The following CEP57L1 variants were observed in gnomAD, a reference collection of about 807,000 sequenced individuals.
The protein encoded by CEP57L1 is centrosomal protein 57 like 1, also known as centrosomal protein CEP57L1.
Under a neutral mutation model 61.0 loss-of-function variants are expected in CEP57L1, and 37 were observed. The ratio of observed to expected loss-of-function variants is 0.61; its 90% CI spans 0.47 to 0.80. The LOEUF (loss-of-function observed/expected upper bound fraction) is 0.80, where lower values mean the gene tolerates loss of function less well. CEP57L1 is among the 30% of genes least tolerant of loss of function. CEP57L1 has a pLI of 0.00. For synonymous variants in CEP57L1, 137 were observed against 162.3 expected, an observed-to-expected ratio of 0.84 and a Z score of 1.19; for missense variants, 422 against 524.7, an observed-to-expected ratio of 0.80 and a Z score of 1.91.
intron 1 of CEP57L1, among the ~76,000 whole-genome samples, chr6:109,098,411 T>C (rs1291269037): frequency 6.6e-6 from 1 of 152,056 alleles, no homozygotes; most frequent in Non-Finnish European, 1.5e-5. Flanking sequence ...CCTTGCAAAG[T>C]GCTGGATTAC....
chr6:109,150,120 A>T lies in CEP57L1; in HGVS notation c.343A>T (p.Ile115Leu). Residue 115 changes from isoleucine (I) to leucine (L), a missense_variant and splice_region_variant, in exon 4 of 11, where the codon ATA (isoleucine) becomes TTA (leucine). Coordinates refer to ENST00000517392, the MANE Select transcript of CEP57L1 (RefSeq NM_001271852.3). ...HQELIKQKKD[I>L]SIQLSSAQSR... is the part of the protein sequence containing the mutation. ...ATTGAATACCCTTTATTTCATAGAT[A>T]TAAGTATACAGTTAAGCTCAGCCCA... The T allele has an allele frequency of 6.3e-7, 1 of 1,580,190 alleles. No homozygotes were observed.
At chr6:109,157,005 A>T (rs965718996) in intron 7 of CEP57L1, 1 of 152,114 alleles carries the variant, frequency 6.6e-6, no homozygotes, top group African/African-American at 2.4e-5. Flanking sequence ...ACTGCCCAGT[A>T]TGTATGTTTT....
intron 6 of CEP57L1, 31 bp downstream of exon 6, chr6:109,155,338 T>TA (rs1241135706): frequency 8.7e-7 from 1 of 1,147,076 alleles, no homozygotes. Context: ...TCTATCACAG[T>TA]AAACCATATA....
intron 10 of CEP57L1, among the ~76,000 whole-genome samples, chr6:109,162,075 T>C (rs532987555): frequency 6.6e-6 from 1 of 152,026 alleles, no homozygotes; most frequent in Non-Finnish European, 1.5e-5. Flanking sequence ...ATAAAGTTAT[T>C]CCCTTGACTT....
intron 1 of CEP57L1, among the ~76,000 whole-genome samples, chr6:109,124,798 A>C (rs1773360697): frequency 6.6e-6 from 1 of 152,102 alleles, no homozygotes; most frequent in Non-Finnish European, 1.5e-5. Context: ...TCAGTTAAGA[A>C]CTAGCACCTC....
intron 1 of CEP57L1, among the ~76,000 whole-genome samples, chr6:109,112,131 C>T (rs940398101): frequency 2.0e-5 from 3 of 152,100 alleles, no homozygotes; most frequent in African/African-American, 4.8e-5. Flanking sequence ...TGGTAGAATT[C>T]GGCTGTGAAT....
chr6:109,101,085 C>T lies in CEP57L1; in HGVS notation c.-4+5510C>T, dbSNP rs544964925. ...TCGCACCACTGCACTCCAGTCTGGGCGACAGAGTATGACTCTGTCTTAGGA... is the reference window on the plus strand; with the variant it reads ...TCGCACCACTGCACTCCAGTCTGGGTGACAGAGTATGACTCTGTCTTAGGA... On this transcript the variant is annotated intron_variant, in intron 1 of 10. Coordinates refer to ENST00000517392, the MANE Select transcript of CEP57L1 (RefSeq NM_001271852.3). 2.0e-4 allele frequency among the ~76,000 whole-genome samples: 30 copies of T among 152,206 alleles called. No individual in the cohort carries two copies. In the East Asian group the frequency reaches 2.5e-3, roughly 13 times the overall value.
chr6:109,126,968 C>A (rs911906263), intron 1 of CEP57L1, among the ~76,000 whole-genome samples: 2 of 152,056 alleles, frequency 1.3e-5, no homozygotes, highest in African/African-American at 4.8e-5. Flanking sequence ...GAGATCAAGA[C>A]CATCCTGGCC....
intron 9 of CEP57L1, among the ~76,000 whole-genome samples, chr6:109,160,301 T>C (rs1773600655): frequency 6.6e-6 from 1 of 152,200 alleles, no homozygotes; most frequent in South Asian, 2.1e-4. Flanking sequence ...TCATACATTT[T>C]ACTACATTCA....
chr6:109,105,248 T>A (rs1343158699), intron 1 of CEP57L1, among the ~76,000 whole-genome samples: 1 of 152,172 alleles, frequency 6.6e-6, no homozygotes, highest in African/African-American at 2.4e-5. Context: ...TTTTAAGAAA[T>A]CTCTTCTTAC....
chr6:109,157,817 T>C (rs533468611), intron 7 of CEP57L1: 7 of 152,332 alleles, frequency 4.6e-5, no homozygotes, highest in Non-Finnish European at 8.8e-5. Context: ...AGATGGTAAC[T>C]GACAGCAGTA....
chr6:109,131,365 G>A (rs1774183275), intron 1 of CEP57L1, among the ~76,000 whole-genome samples: 1 of 151,912 alleles, frequency 6.6e-6, no homozygotes, highest in African/African-American at 2.4e-5. Context: ...TCTATTATCT[G>A]AATCCTGCTA....
intron 7 of CEP57L1, chr6:109,158,658 A>G (rs925268046): frequency 8.6e-6 from 4 of 467,212 alleles, no homozygotes; most frequent in African/African-American, 4.0e-5. Context: ...TTAGTTTTAT[A>G]AGAAACTGCC....
rs140186351 is a variant in CEP57L1, at chr6:109,098,784, C to T, written c.-4+3209C>T. On this transcript the variant is annotated intron_variant, in intron 1 of 10. Transcript: ENST00000517392. Reference sequence around the variant, plus strand: ...CTGAGATTAGAGGCATAACCCACTGCAACTGGCCTGAAGTGAATATTTCTT... The same window carrying T: ...CTGAGATTAGAGGCATAACCCACTGTAACTGGCCTGAAGTGAATATTTCTT... Among the ~76,000 whole-genome samples, 1,317 of 152,186 alleles carry T rather than the reference C, an allele frequency of 8.7e-3. 24 individuals are homozygous for T. The highest frequency in any genetic ancestry group is 0.03 in the African/African-American group (1,249 of 41,502).
Position 109,174,091 on chromosome 6 carries a change from C to T in CEP57L1, c.*11121C>T. Among the ~76,000 whole-genome samples, 1 of 117,756 alleles carries T rather than the reference C, an allele frequency of 8.5e-6. No individual in the cohort carries two copies. The highest frequency in any genetic ancestry group is 1.8e-5 in the Non-Finnish European group (1 of 55,482). The allele number at this position is 117,756 out of a possible 152,430, so 77.3% of individuals were successfully genotyped here. A position where few individuals can be genotyped will look rare whatever the true frequency, so the allele number is the denominator to read the frequency against. On this transcript the variant is annotated 3_prime_UTR_variant, in exon 11 of 11. Coordinates refer to ENST00000517392, the MANE Select transcript of CEP57L1 (RefSeq NM_001271852.3). ...CTCCAGCCTGAGCCATAGAGTGAGTCTTGGTCTCAAAAAAAAAAAAAAACC... is the reference window on the plus strand; with the variant it reads ...CTCCAGCCTGAGCCATAGAGTGAGTTTTGGTCTCAAAAAAAAAAAAAAACC...
chr6:109,172,487 C>T lies in CEP57L1; in HGVS notation c.*9517C>T, dbSNP rs1222652345. ...CATATCAGGCAGGATAGTCCAAGGA[C>T]TTAGAGGTTATCTTGAATCTGGACA... On this transcript the variant is annotated 3_prime_UTR_variant, in exon 11 of 11. Coordinates refer to ENST00000517392, the MANE Select transcript of CEP57L1 (RefSeq NM_001271852.3). 1.3e-5 allele frequency among the ~76,000 whole-genome samples: 2 copies of T among 152,184 alleles called. No homozygotes were observed. The highest frequency in any genetic ancestry group is 4.8e-5 in the African/African-American group (2 of 41,456).
intron 1 of CEP57L1, among the ~76,000 whole-genome samples, chr6:109,112,428 G>C (rs1164804655): frequency 6.6e-6 from 1 of 151,262 alleles, no homozygotes; most frequent in Admixed American, 6.6e-5. Flanking sequence ...TCCTTTATTC[G>C]TGTATCTATT....
At chr6:109,132,732 C>G (rs1583511491) in intron 1 of CEP57L1, among the ~76,000 whole-genome samples, 1 of 152,098 alleles carries the variant, frequency 6.6e-6, no homozygotes, top group African/African-American at 2.4e-5. Flanking sequence ...CCAACACTTA[C>G]TTATGTTCTC....
chr6:109,154,020 A>C (rs1178040082), intron 5 of CEP57L1, 71 bp downstream of exon 5: 2 of 794,590 alleles, frequency 2.5e-6, no homozygotes, highest in Non-Finnish European at 4.2e-6. Flanking sequence ...ATTTTATGTG[A>C]ATGTAGAGTA....
Sources: allele counts gnomAD v4.1 joint callset (sites outside exome capture counted in the v4.1 genomes callset), GRCh38; gene constraint gnomAD v4.1.1; transcripts MANE v1.5; gene names NCBI Gene and HGNC (gene_info 2026-07-23, HGNC 2026-07-21).